SORL1: variants seen among roughly 807,000 people sequenced by gnomAD.
SORL1 encodes sortilin-related receptor.
In SORL1, 127 loss-of-function variants were observed where a neutral mutation model predicts 273.7. The ratio of observed to expected loss-of-function variants is 0.46; its 90% CI spans 0.40 to 0.54. SORL1 has a LOEUF of 0.54. SORL1 is among the 20% of genes least tolerant of loss of function. The probability of loss-of-function intolerance (pLI) is 0.00; values close to 1 mark genes in which losing one functional copy is unlikely to be tolerated. For missense variants in SORL1, 2,494 were observed against 2,846.1 expected (o/e 0.88, Z 2.81); for synonymous variants, 1,031 against 1,067.4 (o/e 0.97, Z 0.66).
chr11:121,471,744 A>C (rs952490076), intron 2 of SORL1, among the ~76,000 whole-genome samples: 4 of 152,114 alleles, frequency 2.6e-5, no homozygotes, highest in Non-Finnish European at 5.9e-5. Flanking sequence ...GACTGTTTCC[A>C]GGGAGTTGAA....
At chr11:121,575,141 T>C (rs975731033) in intron 24 of SORL1, among the ~76,000 whole-genome samples, 1 of 152,228 alleles carries the variant, frequency 6.6e-6, no homozygotes, top group Non-Finnish European at 1.5e-5. Flanking sequence ...CTAAAGTGAC[T>C]GAGGTCTGTA....
intron 11 of SORL1, among the ~76,000 whole-genome samples, chr11:121,526,075 G>T (rs752832821): frequency 6.6e-6 from 1 of 152,136 alleles, no homozygotes; most frequent in Non-Finnish European, 1.5e-5. Flanking sequence ...TAATTGAGTT[G>T]TCTATCTTCT....
Position 121,496,978 on chromosome 11 carries a change from C to T in SORL1, c.868C>T (p.Gln290Ter). 1 of 1,614,096 alleles carries T rather than the reference C, an allele frequency of 6.2e-7. No individual in the cohort carries two copies. ...STDFFQSRENQEVILEEVRDF... is the reference protein window; with the variant it reads ...STDFFQSREN ...AGATTTCTTCCAGTCCCGGGAAAAC[C>T]AGGAAGTGATCCTTGAGGAAGTGAG... The change falls in exon 6 of 48, where the codon CAG becomes TAG. Residue 290 changes from glutamine (Q) to a stop codon, truncating the protein, a stop_gained. Coordinates refer to ENST00000260197, the MANE Select transcript of SORL1 (RefSeq NM_003105.6). LOFTEE classifies it high-confidence loss of function.
intron 39 of SORL1, 90 bp downstream of exon 39, chr11:121,611,248 C>A (rs1863559431): frequency 1.9e-4 from 140 of 751,962 alleles, no homozygotes; most frequent in East Asian, 4.3e-4. Context: ...TGGAAAAAAA[C>A]AAAAAACAAA....
intron 12 of SORL1, among the ~76,000 whole-genome samples, chr11:121,537,207 TG>T (rs1862279633): frequency 6.6e-6 from 1 of 152,200 alleles, no homozygotes; most frequent in East Asian, 1.9e-4. Flanking sequence ...GGCCAGGTCC[TG>T]GGGGACCTCA....
chr11:121,542,792 A>G (rs1484275291), intron 12 of SORL1, among the ~76,000 whole-genome samples: 2 of 150,738 alleles, frequency 1.3e-5, no homozygotes, highest in East Asian at 3.9e-4. Context: ...TAGTTATTGC[A>G]GTGGGGATAA....
At position 121,621,130 on chromosome 11, in the gene SORL1, A is replaced by G. The variant is rs1863717703; in HGVS notation, c.5956A>G (p.Asn1986Asp). ...TDRSYKVKSR[N>D]STVEYTLNKL... is the part of the protein sequence containing the mutation. ...CAGGAGCTACAAAGTAAAATCCCGT[A>G]ACAGCACTGTGGAATACACCCTTAA... Residue 1986 changes from asparagine to aspartate, a missense_variant, in exon 44 of 48, where the codon AAC becomes GAC. This residue lies in a region of SORL1 where 1,609 missense variants were observed against 1,816.4 expected (regional missense o/e 0.89). Coordinates refer to ENST00000260197, the MANE Select transcript of SORL1 (RefSeq NM_003105.6). 1 of 1,613,910 alleles carries G rather than the reference A, an allele frequency of 6.2e-7. No individual in the cohort carries two copies. The highest frequency in any genetic ancestry group is 1.3e-5 in the African/African-American group (1 of 74,932).
chr11:121,521,157 A>G (rs958011664), intron 9 of SORL1, among the ~76,000 whole-genome samples: 39 of 152,002 alleles, frequency 2.6e-4, no homozygotes, highest in African/African-American at 8.7e-4. Flanking sequence ...TTGTTTGTCC[A>G]TGGTGGGCTA....
chr11:121,479,028 G>A (rs538274407), intron 3 of SORL1, among the ~76,000 whole-genome samples: 2 of 152,128 alleles, frequency 1.3e-5, no homozygotes, highest in Admixed American at 6.5e-5. Flanking sequence ...GGGTACCTGC[G>A]TGCGTGTGTT....
At chr11:121,547,252 C>T (rs1294452578) in intron 14 of SORL1, among the ~76,000 whole-genome samples, 1 of 151,512 alleles carries the variant, frequency 6.6e-6, no homozygotes, top group Non-Finnish European at 1.5e-5. Context: ...TCTCTCCCCT[C>T]TTCCTATCCC....
chr11:121,516,989 A>G lies in SORL1; in HGVS notation c.1211+2668A>G, dbSNP rs538964380. On this transcript the variant is annotated intron_variant, in intron 8 of 47. Transcript: ENST00000260197. ...AATGCTTGAACCTGGGAGGTAGAGG[A>G]TGCAGTGAGCCAAGATCGTGCTACT... Among the ~76,000 whole-genome samples the G allele has an allele frequency of 2.6e-4, 39 of 152,176 alleles. No individual in the cohort carries two copies. The East Asian group carries it at 7.5e-3, about 29-fold the overall frequency.
chr11:121,510,196 A>C (rs1337699615), intron 6 of SORL1, among the ~76,000 whole-genome samples: 2 of 152,256 alleles, frequency 1.3e-5, no homozygotes, highest in Non-Finnish European at 2.9e-5. Flanking sequence ...TTAATGGAAA[A>C]AGTTAAGTAA....
chr11:121,543,689 C>T lies in SORL1; in HGVS notation c.1827C>T (p.Ser609=). ...GCTCGAACAAAGAGAATGTCCACAG[C>T]TGGCTGATCCTCCAGGTCAATGCCA... ...IFGSNKENVH[S]WLILQVNATD... Residue 609 remains serine (S), a synonymous_variant, in exon 13 of 48, where the codon AGC becomes AGT. Coordinates refer to ENST00000260197, the MANE Select transcript of SORL1 (RefSeq NM_003105.6). 6.2e-7 allele frequency: 1 copy of T among 1,613,974 alleles called. No individual in the cohort carries two copies.
chr11:121,516,849 C>T (rs376124564), intron 8 of SORL1, among the ~76,000 whole-genome samples: 1 of 152,016 alleles, frequency 6.6e-6, no homozygotes, highest in Non-Finnish European at 1.5e-5. Flanking sequence ...GTTAGGAGAT[C>T]GAGACCATCT....
chr11:121,504,390 C>A (rs184754666), intron 6 of SORL1, among the ~76,000 whole-genome samples: 1 of 151,798 alleles, frequency 6.6e-6, no homozygotes, highest in Non-Finnish European at 1.5e-5. Context: ...CCAGCCTGGG[C>A]GACAGAGCGA....
chr11:121,480,266 A>G (rs988624918), intron 3 of SORL1, among the ~76,000 whole-genome samples: 1 of 152,194 alleles, frequency 6.6e-6, no homozygotes, highest in Admixed American at 6.5e-5. Context: ...GTTTTTAAAC[A>G]TTATGTTCTA....
At chr11:121,464,257 C>G (rs1043866149) in intron 1 of SORL1, among the ~76,000 whole-genome samples, 4 of 151,956 alleles carry the variant, frequency 2.6e-5, no homozygotes, top group Non-Finnish European at 5.9e-5. Context: ...TACCTGTGAC[C>G]CATTCTATTC....
intron 40 of SORL1, 191 bp from the exon 41 acceptor site, chr11:121,614,680 T>C: frequency 1.8e-6 from 1 of 543,526 alleles, no homozygotes; most frequent in South Asian, 2.5e-5. Context: ...GCTTGTGCAG[T>C]GTGTTACGTA....
intron 25 of SORL1, among the ~76,000 whole-genome samples, chr11:121,581,356 T>A (rs541977628): frequency 6.6e-6 from 1 of 152,246 alleles, no homozygotes; most frequent in South Asian, 2.1e-4. Context: ...TCAGGAAAGT[T>A]CTGCCTGAGT....
Sources: gnomAD v4.1 joint callset for allele counts (sites outside exome capture counted in the v4.1 genomes callset) on GRCh38, gnomAD v4.1.1 for gene constraint, gnomAD v4.1.1 regional missense constraint, MANE v1.5 for transcripts, NCBI Gene and HGNC (gene_info 2026-07-23, HGNC 2026-07-21) for gene names.